The following NOVA1 variants were observed in gnomAD, a reference collection of about 807,000 sequenced individuals.
NOVA1 encodes RNA-binding protein Nova-1.
A neutral mutation model predicts 38.0 loss-of-function variants in NOVA1; 7 were observed. That is an observed-to-expected ratio of 0.18 (90% CI 0.10 to 0.35). NOVA1 has a LOEUF of 0.35. Among genes scored for constraint, NOVA1 ranks in the 10% least tolerant of loss-of-function variants. NOVA1 has a pLI of 1.00. For missense variants in NOVA1, 460 were observed against 616.0 expected, an observed-to-expected ratio of 0.75 and a Z score of 2.68; for synonymous variants, 270 against 232.5, an observed-to-expected ratio of 1.16 and a Z score of -1.47.
intron 2 of NOVA1, among the ~76,000 whole-genome samples, chr14:26,574,713 C>T (rs1892726068): frequency 6.6e-6 from 1 of 152,102 alleles, no homozygotes; most frequent in Non-Finnish European, 1.5e-5. Flanking sequence ...GGTCTTGCTC[C>T]GTCGGTGAGA....
intron 4 of NOVA1, among the ~76,000 whole-genome samples, chr14:26,453,823 A>C (rs969335288): frequency 6.6e-6 from 1 of 152,164 alleles, no homozygotes; most frequent in Non-Finnish European, 1.5e-5. Context: ...GAGAGCTCCC[A>C]ATTAATAGTA....
intron 4 of NOVA1, among the ~76,000 whole-genome samples, chr14:26,460,543 A>T (rs151324090): frequency 6.6e-6 from 1 of 152,054 alleles, no homozygotes; most frequent in Admixed American, 6.5e-5. Context: ...GAGTAATTGA[A>T]TAAGAAATAT....
intron 2 of NOVA1, among the ~76,000 whole-genome samples, chr14:26,500,779 G>A (rs1887193400): frequency 6.6e-6 from 1 of 151,844 alleles, no homozygotes; most frequent in South Asian, 2.1e-4. Flanking sequence ...TTTAAGATAA[G>A]TTGAAGATAC....
chr14:26,565,436 G>A (rs1659039020), intron 2 of NOVA1, among the ~76,000 whole-genome samples: 1 of 151,988 alleles, frequency 6.6e-6, no homozygotes, highest in Non-Finnish European at 1.5e-5. Flanking sequence ...ACCCACTGCT[G>A]TCCCAGTGTA....
At chr14:26,583,687 T>G (rs972404948) in intron 2 of NOVA1, among the ~76,000 whole-genome samples, 1 of 151,488 alleles carries the variant, frequency 6.6e-6, no homozygotes, top group Non-Finnish European at 1.5e-5. Context: ...AGGGTATTAA[T>G]TAAGATTGAT....
intron 2 of NOVA1, among the ~76,000 whole-genome samples, chr14:26,527,136 A>G (rs1393121729): frequency 6.6e-6 from 1 of 152,208 alleles, no homozygotes; most frequent in Admixed American, 6.5e-5. Flanking sequence ...CACTAGGTGA[A>G]GTCATGAGCT....
At chr14:26,595,975 T>C in intron 1 of NOVA1, 1 of 370,162 alleles carries the variant, frequency 2.7e-6, no homozygotes, top group Non-Finnish European at 5.2e-6. Context: ...AGCCCAGGAC[T>C]GTAAATAGTG....
intron 2 of NOVA1, among the ~76,000 whole-genome samples, chr14:26,540,935 T>C (rs1458255228): frequency 6.6e-6 from 1 of 152,136 alleles, no homozygotes; most frequent in Non-Finnish European, 1.5e-5. Flanking sequence ...ACTTATCACT[T>C]CTTGTGGTAA....
At chr14:26,550,709 A>G (rs902816827) in intron 2 of NOVA1, among the ~76,000 whole-genome samples, 1 of 152,156 alleles carries the variant, frequency 6.6e-6, no homozygotes, top group Non-Finnish European at 1.5e-5. Flanking sequence ...GTAACTTTAC[A>G]TTATTCAAAA....
intron 2 of NOVA1, 25 bp from the exon 3 acceptor site, chr14:26,480,168 G>A (rs1885342045): frequency 6.3e-7 from 1 of 1,576,014 alleles, no homozygotes; most frequent in Non-Finnish European, 8.6e-7. Context: ...TTGATTTTCA[G>A]AAAATATTCC....
Position 26,597,926 on chromosome 14 carries a change from A to C in NOVA1, c.-490T>G, listed in dbSNP as rs1894313370. On this transcript the variant is annotated 5_prime_UTR_variant, in exon 1 of 5. Transcript: ENST00000539517. ...GGATGCCGAGAGAGGAGCGAGCGGC[A>C]GAGGAGGGCAGGAGCCGGGAAGGAG... Among the ~76,000 whole-genome samples the C allele has an allele frequency of 6.6e-6, 1 of 151,228 alleles. No individual in the cohort carries two copies. Among genetic ancestry groups the C allele is most frequent in the Non-Finnish European group, 1.5e-5 (1 of 67,784 alleles).
chr14:26,495,527 G>C (rs1886697635), intron 2 of NOVA1, among the ~76,000 whole-genome samples: 1 of 151,918 alleles, frequency 6.6e-6, no homozygotes, highest in South Asian at 2.1e-4. Context: ...TTAAGTTTTA[G>C]GGTAGATGTG....
chr14:26,505,015 A>AGGGGTAGCTG (rs1594421437), intron 2 of NOVA1, among the ~76,000 whole-genome samples: 1 of 18,278 alleles, frequency 5.5e-5, no homozygotes, highest in South Asian at 1.7e-3. Flanking sequence ...GTCTTGAGCT[A>AGGGGTAGCTG]GCTAGCCATA....
chr14:26,552,358 A>G (rs1891214840), intron 2 of NOVA1, among the ~76,000 whole-genome samples: 2 of 152,154 alleles, frequency 1.3e-5, no homozygotes, highest in Admixed American at 1.3e-4. Context: ...TTAAGTAAGT[A>G]TTTTATAAAA....
intron 2 of NOVA1, among the ~76,000 whole-genome samples, chr14:26,588,181 G>C (rs1164790296): frequency 1.3e-5 from 2 of 149,104 alleles, no homozygotes; most frequent in Non-Finnish European, 3.0e-5. Flanking sequence ...GTTTCACAAG[G>C]AAGGTAAAAA....
chr14:26,492,932 C>CA (rs925566018), intron 2 of NOVA1, among the ~76,000 whole-genome samples: 59 of 145,628 alleles, frequency 4.1e-4, no homozygotes, highest in South Asian at 1.5e-3. Flanking sequence ...GGCTCTGTCT[C>CA]AAAAAAAAAA....
Position 26,472,340 on chromosome 14 carries a change from T to G in NOVA1, c.499A>C (p.Thr167Pro). 3.8e-6 allele frequency: 6 copies of G among 1,597,692 alleles called. No homozygotes were observed. The highest frequency in any genetic ancestry group is 5.1e-6 in the Non-Finnish European group (6 of 1,169,456). ...TGTACCTGATTAGCTCTGGAGGTGGTCATGGGATCAGATGGAGAGGACTTG... is the reference window on the plus strand; with the variant it reads ...TGTACCTGATTAGCTCTGGAGGTGGGCATGGGATCAGATGGAGAGGACTTG... ...TTKSSPSDPM[T>P]TSRANQVKII... Residue 167 changes from threonine to proline, a missense_variant, in exon 4 of 5, where the codon ACC becomes CCC. Transcript: ENST00000539517.
At chr14:26,551,564 T>G (rs1891162090) in intron 2 of NOVA1, among the ~76,000 whole-genome samples, 1 of 152,088 alleles carries the variant, frequency 6.6e-6, no homozygotes, top group Non-Finnish European at 1.5e-5. Context: ...CTATGGATTC[T>G]GCATTTCTCA....
At position 26,597,321 on chromosome 14, in the gene NOVA1, G is replaced by GTGC; in HGVS notation, c.113_115dup (p.Ser38dup). 3 of 1,254,768 alleles carry GTGC rather than the reference G, an allele frequency of 2.4e-6. No individual in the cohort carries two copies. Among genetic ancestry groups the GTGC allele is most frequent in the Non-Finnish European group, 3.0e-6 (3 of 991,874 alleles). The allele number at this position is 1,254,768 out of a possible 1,614,324, so 77.7% of individuals were successfully genotyped here. The stretch of plus-strand genomic sequence containing the variant: ...CCCACCGCCCGTATTGGTCCTCTTG[G>GTGC]TGCTGCCGGCTTCAGGGGGGGCTTC... On this transcript the variant is annotated inframe_insertion, in exon 1 of 5. Coordinates refer to ENST00000539517, the MANE Select transcript of NOVA1 (RefSeq NM_002515.3).
Sources: allele counts gnomAD v4.1 joint callset (sites outside exome capture counted in the v4.1 genomes callset), GRCh38; gene constraint gnomAD v4.1.1; transcripts MANE v1.5; gene names NCBI Gene and HGNC (gene_info 2026-07-23, HGNC 2026-07-21).